SPTB: variants seen among roughly 807,000 people sequenced by gnomAD.
The protein encoded by SPTB is spectrin beta chain, erythrocytic.
In SPTB, 45 loss-of-function variants were observed where a neutral mutation model predicts 256.2. The observed-to-expected ratio is 0.18, with a 90% CI of 0.14 to 0.23. SPTB has a LOEUF of 0.23. Ranked by LOEUF, SPTB falls within the 10% of genes least tolerant of loss-of-function variation. The pLI is 1.00. For missense variants in SPTB, 2,715 were observed against 3,040.4 expected (o/e 0.89, Z 2.52); for synonymous variants, 1,231 against 1,243.1 (o/e 0.99, Z 0.21).
At chr14:64,750,645 G>A (rs940842771) in intron 33 of SPTB, among the ~76,000 whole-genome samples, 21 of 151,912 alleles carry the variant, frequency 1.4e-4, no homozygotes, top group African/African-American at 4.8e-4. Context: ...GCTTGGTGGC[G>A]CATGCCTGCA....
In SPTB at chr14:64,760,371, G is replaced by A. The variant is rs757574251; in HGVS notation, c.6345+6355C>T. ...CCAGGCTCAACCAGCAGGTGGCGCGGGGGACTGCACACAGACAACAAACTC... is the reference window on the plus strand; with the variant it reads ...CCAGGCTCAACCAGCAGGTGGCGCGAGGGACTGCACACAGACAACAAACTC... On this transcript the variant is annotated intron_variant, in intron 32 of 35. Transcript: ENST00000644917. The surrounding 1 kb of genome is among the most constrained non-coding windows in gnomAD (Gnocchi z 4.3). Among the ~76,000 whole-genome samples, 11 of 152,112 alleles carry A rather than the reference G, an allele frequency of 7.2e-5. No individual in the cohort carries two copies. The highest frequency in any genetic ancestry group is 2.1e-4 in the South Asian group (1 of 4,826).
chr14:64,810,540 C>T (rs1271829011), intron 2 of SPTB, among the ~76,000 whole-genome samples: 4 of 152,006 alleles, frequency 2.6e-5, no homozygotes, highest in African/African-American at 9.7e-5. Context: ...ATTAGCCGGG[C>T]ATGGTGTTGC....
chr14:64,833,150 G>T (rs967606699), intron 1 of SPTB, among the ~76,000 whole-genome samples: 4 of 152,102 alleles, frequency 2.6e-5, no homozygotes, highest in Non-Finnish European at 5.9e-5. Flanking sequence ...GCTCTCTCTG[G>T]ACATGTTCTT....
At position 64,777,866 on chromosome 14, in the gene SPTB, G is replaced by A. The variant is rs189029886; in HGVS notation, c.4563+1291C>T. On this transcript the variant is annotated intron_variant, in intron 22 of 35. Transcript: ENST00000644917. The surrounding 1 kb of genome is among the most constrained non-coding windows in gnomAD (Gnocchi z 4.5). The stretch of plus-strand genomic sequence containing the variant: ...GCTGCCTTTCCCTTCTTGGTTAGGG[G>A]AACCCCATCCGTATTTGTCTTGCCC... 4.9e-4 allele frequency among the ~76,000 whole-genome samples: 74 copies of A among 152,240 alleles called. 1 individual carries two copies. Among genetic ancestry groups the A allele is most frequent in the African/African-American group, 1.7e-3 (71 of 41,540 alleles).
chr14:64,768,947 A>C (rs1180915807), intron 29 of SPTB, 87 bp downstream of exon 29: 5 of 1,109,342 alleles, frequency 4.5e-6, no homozygotes, highest in Non-Finnish European at 6.8e-6. Context: ...GCAGTAGTGA[A>C]AATCCACCCA....
rs1401457476 is a variant in SPTB, at chr14:64,785,266, G to T, written c.3855+271C>A. 3.3e-5 allele frequency among the ~76,000 whole-genome samples: 5 copies of T among 152,114 alleles called. No individual in the cohort carries two copies. Among genetic ancestry groups the T allele is most frequent in the African/African-American group, 1.2e-4 (5 of 41,420 alleles). ...CAAAGCTGGCCCAGACTGGGTCCTA[G>T]GTGATTCTAAAATAGACTGTCCCTA... On this transcript the variant is annotated intron_variant, in intron 18 of 35. Coordinates refer to ENST00000644917, the MANE Select transcript of SPTB (RefSeq NM_001355436.2). This position sits in a 1 kb window ranked among gnomAD's most constrained non-coding sequence, Gnocchi z 4.4.
intron 9 of SPTB, among the ~76,000 whole-genome samples, chr14:64,798,578 T>G (rs1435459311): frequency 6.6e-6 from 1 of 152,220 alleles, no homozygotes; most frequent in Non-Finnish European, 1.5e-5. Flanking sequence ...GTCCCCACCC[T>G]GAGCCCAGCC....
intron 28 of SPTB, 27 bp downstream of exon 28, chr14:64,769,563 T>C (rs2082246740): frequency 6.2e-7 from 1 of 1,612,710 alleles, no homozygotes; most frequent in African/African-American, 1.3e-5. Context: ...ACGGAGGAGC[T>C]CGCCTCCATC....
chr14:64,791,498 G>A (rs1480392950), intron 15 of SPTB, among the ~76,000 whole-genome samples: 1 of 148,622 alleles, frequency 6.7e-6, no homozygotes, highest in African/African-American at 2.5e-5. Context: ...CCCAGGAGGT[G>A]GAAGTTGCAG....
intron 32 of SPTB, 157 bp from the exon 33 acceptor site, chr14:64,753,950 A>C: frequency 1.1e-6 from 1 of 922,254 alleles, no homozygotes; most frequent in Non-Finnish European, 1.7e-6. Context: ...CTCTCCCACA[A>C]CCTGCTATGG....
At chr14:64,791,324 T>C (rs181917176) in intron 15 of SPTB, among the ~76,000 whole-genome samples, 16 of 152,102 alleles carry the variant, frequency 1.1e-4, no homozygotes, top group Non-Finnish European at 1.8e-4. Flanking sequence ...TCCCAGCACT[T>C]TGGGAGGCCG....
In SPTB at chr14:64,816,903, T is replaced by C. The variant is rs370128342; in HGVS notation, c.148+6044A>G. Among the ~76,000 whole-genome samples, 6 of 152,162 alleles carry C rather than the reference T, an allele frequency of 3.9e-5. No individual in the cohort carries two copies. The highest frequency in any genetic ancestry group is 1.4e-4 in the African/African-American group (6 of 41,426). On this transcript the variant is annotated intron_variant, in intron 2 of 35. Coordinates refer to ENST00000644917, the MANE Select transcript of SPTB (RefSeq NM_001355436.2). The surrounding 1 kb of genome is among the most constrained non-coding windows in gnomAD (Gnocchi z 4.2). ...ACAGACAAGGCCTGGGGTCAGAGCT[T>C]GCCCTTGGGAACAAATCCCACAGAA...
rs1244525651 is a variant in SPTB at position 64,844,385 on chromosome 14, A to G, written c.-51-21240T>C. Reference sequence around the variant, plus strand: ...ATACCATCACCCCCAACAACGAAACAACCATGTTTAGTGAGTACTTAGAAC... The same window carrying G: ...ATACCATCACCCCCAACAACGAAACGACCATGTTTAGTGAGTACTTAGAAC... On this transcript the variant is annotated intron_variant, in intron 1 of 35. Coordinates refer to ENST00000644917, the MANE Select transcript of SPTB (RefSeq NM_001355436.2). This position sits in a 1 kb window ranked among gnomAD's most constrained non-coding sequence, Gnocchi z 4.1. 6.6e-6 allele frequency among the ~76,000 whole-genome samples: 1 copy of G among 152,196 alleles called. No homozygotes were observed. Among genetic ancestry groups the G allele is most frequent in the African/African-American group, 2.4e-5 (1 of 41,442 alleles).
rs749181924 is a variant in SPTB, at chr14:64,767,283, G to C, written c.6269+20C>G. 3.1e-6 allele frequency: 5 copies of C among 1,613,690 alleles called. No individual in the cohort carries two copies. In the South Asian group the frequency reaches 5.5e-5, roughly 18 times the overall value. Reference sequence around the variant, plus strand: ...ACTTGGCAGAGCATTCAGCTCCCTGGACACACGGCCACCACTCACCCAGTC... The same window carrying C: ...ACTTGGCAGAGCATTCAGCTCCCTGCACACACGGCCACCACTCACCCAGTC... On this transcript the variant is annotated intron_variant, in intron 31 of 35. Coordinates refer to ENST00000644917, the MANE Select transcript of SPTB (RefSeq NM_001355436.2).
At position 64,792,174 on chromosome 14, in the gene SPTB, G is replaced by C. The variant is rs1281081212; in HGVS notation, c.2667-318C>G. On this transcript the variant is annotated intron_variant, in intron 14 of 35. Transcript: ENST00000644917. The surrounding 1 kb of genome is among the most constrained non-coding windows in gnomAD (Gnocchi z 4.2). ...GAGGTTACTGTGTATTTGTGTGGGG[G>C]ATGTCAATTGTCACAAGGGCCACCT... Among the ~76,000 whole-genome samples, 1 of 152,180 alleles carries C rather than the reference G, an allele frequency of 6.6e-6. No individual in the cohort carries two copies. Among genetic ancestry groups the C allele is most frequent in the East Asian group, 1.9e-4 (1 of 5,200 alleles).
At chr14:64,855,746 G>A (rs1198171114) in intron 1 of SPTB, among the ~76,000 whole-genome samples, 2 of 152,226 alleles carry the variant, frequency 1.3e-5, no homozygotes, top group Non-Finnish European at 2.9e-5. Flanking sequence ...AAACTGGAGG[G>A]CTGGGGCCAG....
Position 64,799,804 on chromosome 14 carries a change from C to T in SPTB, c.1007G>A (p.Gly336Asp), listed in dbSNP as rs1205242254. The T allele has an allele frequency of 6.2e-7, 1 of 1,614,230 alleles. No individual in the cohort carries two copies. The highest frequency in any genetic ancestry group is 1.7e-5 in the Admixed American group (1 of 60,028). Residue 336 changes from glycine to aspartate, a missense_variant, in exon 9 of 36, where the codon GGC (glycine) becomes GAC (aspartate). Gly to Asp is a moderately conservative substitution (Grantham distance 94). Around this residue, in one of 4 missense-constraint regions of SPTB, gnomAD observed 416 missense variants for 571.1 expected, o/e 0.73. Coordinates refer to ENST00000644917, the MANE Select transcript of SPTB (RefSeq NM_001355436.2). Reference protein sequence around the residue: ...NSRKFANSLTGVQQQLQAFST... With the variant: ...NSRKFANSLTDVQQQLQAFST... The stretch of plus-strand genomic sequence containing the variant: ...GAAGGCCTGCAGCTGCTGCTGGACG[C>T]CCGTCAGCGAGTTGGCAAACTTGCG...
chr14:64,845,559 A>T lies in SPTB; in HGVS notation c.-51-22414T>A, dbSNP rs1380521870. Among the ~76,000 whole-genome samples the T allele has an allele frequency of 6.6e-6, 1 of 152,252 alleles. No homozygotes were observed. Among genetic ancestry groups the T allele is most frequent in the Non-Finnish European group, 1.5e-5 (1 of 68,042 alleles). ...CTTCTGAGCACTGCGTTGAACTCTC[A>T]AACTTAAAGTTTTACCAGACTATAG... On this transcript the variant is annotated intron_variant, in intron 1 of 35. Transcript: ENST00000644917. This position sits in a 1 kb window ranked among gnomAD's most constrained non-coding sequence, Gnocchi z 4.8.
chr14:64,771,235 G>T, intron 26 of SPTB, 106 bp from the exon 27 acceptor site: 1 of 1,556,686 alleles, frequency 6.4e-7, no homozygotes, highest in Non-Finnish European at 8.8e-7. Context: ...CCTGCCCAGG[G>T]CACTGCTGGA....
Sources: gnomAD v4.1 joint callset for allele counts (sites outside exome capture counted in the v4.1 genomes callset) on GRCh38, gnomAD v4.1.1 for gene constraint, gnomAD v4.1.1 regional missense constraint, Gnocchi (gnomAD v3.1) non-coding constraint, MANE v1.5 for transcripts, NCBI Gene and HGNC (gene_info 2026-07-23, HGNC 2026-07-21) for gene names.